The following PIEZO2 variants were observed in gnomAD, a reference collection of about 807,000 sequenced individuals.
PIEZO2 encodes the protein piezo-type mechanosensitive ion channel component 2.
Under a neutral mutation model 337.3 loss-of-function variants are expected in PIEZO2, and 172 were observed. The observed-to-expected ratio is 0.51, with a 90% CI of 0.45 to 0.58. PIEZO2 has a LOEUF of 0.58. Among genes scored for constraint, PIEZO2 ranks in the 20% least tolerant of loss-of-function variants. The pLI is 0.00. For missense variants in PIEZO2, 3,028 were observed against 3,391.3 expected, an observed-to-expected ratio of 0.89 and a Z score of 2.66; for synonymous variants, 1,251 against 1,228.5, an observed-to-expected ratio of 1.02 and a Z score of -0.38.
chr18:10,885,348 C>A (rs182537033), intron 4 of PIEZO2, among the ~76,000 whole-genome samples: 213 of 152,152 alleles, frequency 1.4e-3, no homozygotes, highest in African/African-American at 4.9e-3. Context: ...GGCATGAACC[C>A]GGGAGGTGGA....
Position 11,116,836 on chromosome 18 carries a change from C to T in PIEZO2, c.64+31689G>A, listed in dbSNP as rs956768790. ...ATTTATTGTGTATTTCAGCCAGGCACGGTGGCTCACACCTGTAATCCCAGC... is the reference window on the plus strand; with the variant it reads ...ATTTATTGTGTATTTCAGCCAGGCATGGTGGCTCACACCTGTAATCCCAGC... On this transcript the variant is annotated intron_variant, in intron 1 of 55. Coordinates refer to ENST00000674853, the MANE Select transcript of PIEZO2 (RefSeq NM_001378183.1). The surrounding 1 kb of genome is among the most constrained non-coding windows in gnomAD (Gnocchi z 5.0). 1.2e-4 allele frequency among the ~76,000 whole-genome samples: 19 copies of T among 152,242 alleles called. No homozygotes were observed. The highest frequency in any genetic ancestry group is 4.6e-4 in the African/African-American group (19 of 41,530).
At chr18:11,119,697 G>C (rs930317657) in intron 1 of PIEZO2, among the ~76,000 whole-genome samples, 3 of 152,304 alleles carry the variant, frequency 2.0e-5, no homozygotes. Context: ...ATGAAGCTGA[G>C]TGTAGCCCTT....
chr18:11,006,138 C>A (rs2035712185), intron 2 of PIEZO2, among the ~76,000 whole-genome samples: 1 of 152,190 alleles, frequency 6.6e-6, no homozygotes, highest in Non-Finnish European at 1.5e-5. Context: ...AAAATGCGAA[C>A]CATCTCCCCA....
intron 2 of PIEZO2, among the ~76,000 whole-genome samples, chr18:10,986,973 A>C (rs539239906): frequency 1.8e-4 from 27 of 152,182 alleles, no homozygotes; most frequent in African/African-American, 6.5e-4. Context: ...CATCAAAAAG[A>C]ACAAATACTT....
Position 10,705,697 on chromosome 18 carries a change from T to A in PIEZO2, c.5638A>T (p.Thr1880Ser). 6.5e-7 allele frequency: 1 copy of A among 1,536,628 alleles called. No individual in the cohort carries two copies. The stretch of plus-strand genomic sequence containing the variant: ...TGCTCAGCCTCCACCTCCTCGATGG[T>A]CTCAGTGGTCCCCTGGCGTGAGTAC... ...MLYSRQGTTE[T>S]IEEVEAEQEE... The change falls in exon 41 of 56, where the codon ACC becomes TCC. Residue 1880 changes from threonine (T) to serine (S), a missense_variant. Thr to Ser is a moderately conservative substitution (Grantham distance 58). This residue lies in a region of PIEZO2 where 1,925 missense variants were observed against 2,051.9 expected (regional missense o/e 0.94). Transcript: ENST00000674853.
intron 3 of PIEZO2, among the ~76,000 whole-genome samples, chr18:10,917,034 C>A (rs898972470): frequency 1.2e-4 from 18 of 152,280 alleles, no homozygotes; most frequent in African/African-American, 3.8e-4. Context: ...TTGCACACGA[C>A]CTTCCATCCA....
chr18:11,075,946 T>C (rs763316113), intron 1 of PIEZO2, among the ~76,000 whole-genome samples: 12 of 152,078 alleles, frequency 7.9e-5, no homozygotes, highest in East Asian at 1.9e-4. Context: ...CCCGCCACCA[T>C]GCCCGGCTAA....
intron 51 of PIEZO2, among the ~76,000 whole-genome samples, chr18:10,681,302 T>C (rs1232289019): frequency 6.6e-6 from 1 of 152,250 alleles, no homozygotes; most frequent in Non-Finnish European, 1.5e-5. Flanking sequence ...ATGCAGAGAA[T>C]GCACTCATAA....
chr18:11,077,846 A>T lies in PIEZO2; in HGVS notation c.65-11624T>A, dbSNP rs1012978339. On this transcript the variant is annotated intron_variant, in intron 1 of 55. Transcript: ENST00000674853. The surrounding 1 kb of genome is among the most constrained non-coding windows in gnomAD (Gnocchi z 4.8). ...AATGGCTTACTAGACTGTGTTACAA[A>T]GTAGAGCATAAGTGTCATTTTTCAT... 6.6e-6 allele frequency among the ~76,000 whole-genome samples: 1 copy of T among 152,208 alleles called. No individual in the cohort carries two copies. The highest frequency in any genetic ancestry group is 1.5e-5 in the Non-Finnish European group (1 of 68,040).
intron 1 of PIEZO2, among the ~76,000 whole-genome samples, chr18:11,133,412 TA>T (rs1038433174): frequency 2.0e-5 from 3 of 152,140 alleles, no homozygotes; most frequent in African/African-American, 7.2e-5. Context: ...TTGTGATGGT[TA>T]ATATAGAGTG....
rs1187837253 is a variant in PIEZO2 at position 10,789,318 on chromosome 18, C to T, written c.1930G>A (p.Glu644Lys). The change falls in exon 15 of 56, where the codon GAA becomes AAA. Residue 644 changes from glutamate to lysine, a missense_variant. Transcript: ENST00000674853. ...IQVEGEPKEE[E>K]EEEAKEEKQE... The stretch of plus-strand genomic sequence containing the variant: ...TTCTCTTCCTTCGCTTCCTCTTCTT[C>T]CTCCTCTTTGGGCTCTCCTTCCACT... 1 of 1,537,310 alleles carries T rather than the reference C, an allele frequency of 6.5e-7. No individual in the cohort carries two copies. The highest frequency in any genetic ancestry group is 2.0e-5 in the Admixed American group (1 of 50,990).
At chr18:10,998,911 G>A (rs1283609073) in intron 2 of PIEZO2, among the ~76,000 whole-genome samples, 2 of 149,744 alleles carry the variant, frequency 1.3e-5, no homozygotes, top group East Asian at 3.9e-4. Flanking sequence ...TTCCAGTCAG[G>A]AACTGGGATT....
Position 11,032,471 on chromosome 18 carries a change from A to G in PIEZO2, c.160+33656T>C, listed in dbSNP as rs568554650. On this transcript the variant is annotated intron_variant, in intron 2 of 55. Coordinates refer to ENST00000674853, the MANE Select transcript of PIEZO2 (RefSeq NM_001378183.1). The surrounding 1 kb of genome is among the most constrained non-coding windows in gnomAD (Gnocchi z 4.9). ...ATTAGAATACGGAGCTATTCTTGGC[A>G]TGCTCTCGAGTAAGTGTAAATGTGT... 6.6e-6 allele frequency among the ~76,000 whole-genome samples: 1 copy of G among 152,216 alleles called. No homozygotes were observed. Among genetic ancestry groups the G allele is most frequent in the Non-Finnish European group, 1.5e-5 (1 of 68,038 alleles).
chr18:11,097,634 C>G lies in PIEZO2; in HGVS notation c.65-31412G>C, dbSNP rs1436120550. ...GTCTTCACCTGGATGCTCCCCTTCA[C>G]ATATTAGTTTCATTTCAAGTCCTCT... On this transcript the variant is annotated intron_variant, in intron 1 of 55. Coordinates refer to ENST00000674853, the MANE Select transcript of PIEZO2 (RefSeq NM_001378183.1). This position sits in a 1 kb window ranked among gnomAD's most constrained non-coding sequence, Gnocchi z 5.0. Among the ~76,000 whole-genome samples the G allele has an allele frequency of 6.6e-6, 1 of 152,228 alleles. No homozygotes were observed. Among genetic ancestry groups the G allele is most frequent in the Non-Finnish European group, 1.5e-5 (1 of 68,042 alleles).
chr18:10,729,699 T>C (rs2036689381), intron 36 of PIEZO2, among the ~76,000 whole-genome samples: 1 of 152,112 alleles, frequency 6.6e-6, no homozygotes, highest in Non-Finnish European at 1.5e-5. Flanking sequence ...TAATCTCCAC[T>C]TTCTCAAGAA....
At chr18:11,058,150 T>A (rs1339616820) in intron 2 of PIEZO2, among the ~76,000 whole-genome samples, 1 of 152,196 alleles carries the variant, frequency 6.6e-6, no homozygotes. Context: ...CTCACCAGTA[T>A]CCACTGTTCT....
Position 10,714,815 on chromosome 18 carries a change from G to A in PIEZO2, c.5372C>T (p.Ala1791Val), listed in dbSNP as rs1299382429. The part of the protein sequence containing the change: ...IDEHPGAASG[A>V]QTAHRMDSLD... ...ACTATCCATCCTGTGGGCTGTCTGTGCACCTGAAGCAGCTCCGGGATGCTC... is the reference window on the plus strand; with the variant it reads ...ACTATCCATCCTGTGGGCTGTCTGTACACCTGAAGCAGCTCCGGGATGCTC... Residue 1791 changes from alanine (A) to valine (V), a missense_variant, in exon 39 of 56, where the codon GCA (alanine) becomes GTA (valine). Physicochemically the swap from Ala to Val is moderately conservative, Grantham distance 64 (BLOSUM62 0). Around this residue, in one of 5 missense-constraint regions of PIEZO2, gnomAD observed 1,925 missense variants for 2,051.9 expected, o/e 0.94. Transcript: ENST00000674853. 6.5e-7 allele frequency: 1 copy of A among 1,537,254 alleles called. No individual in the cohort carries two copies.
rs536596219 is a variant in PIEZO2, at chr18:11,029,480, G to A, written c.160+36647C>T. Among the ~76,000 whole-genome samples the A allele has an allele frequency of 4.9e-4, 74 of 152,210 alleles. 1 individual carries two copies. The South Asian group carries it at 0.014, about 29-fold the overall frequency. On this transcript the variant is annotated intron_variant, in intron 2 of 55. Coordinates refer to ENST00000674853, the MANE Select transcript of PIEZO2 (RefSeq NM_001378183.1). ...CCAACCCACTTCTGCAGACCCCTTA[G>A]GCGGCTCCCTCCTGCTACTCAGGCT...
At chr18:11,067,780 T>C (rs2038199714) in intron 1 of PIEZO2, among the ~76,000 whole-genome samples, 1 of 152,168 alleles carries the variant, frequency 6.6e-6, no homozygotes, top group Non-Finnish European at 1.5e-5. Context: ...GACCTCAATA[T>C]CCATTTTTAC....
Sources: gnomAD v4.1 joint callset for allele counts (sites outside exome capture counted in the v4.1 genomes callset) on GRCh38, gnomAD v4.1.1 for gene constraint, gnomAD v4.1.1 regional missense constraint, Gnocchi (gnomAD v3.1) non-coding constraint, MANE v1.5 for transcripts, NCBI Gene and HGNC (gene_info 2026-07-23, HGNC 2026-07-21) for gene names.